Variants in FBXO11 observed in about 807,000 individuals in gnomAD.
FBXO11 encodes F-box protein 11.
Under a neutral mutation model 117.0 loss-of-function variants are expected in FBXO11, and 13 were observed. The ratio of observed to expected loss-of-function variants is 0.11; its 90% confidence interval spans 0.07 to 0.18. FBXO11 has a LOEUF of 0.18. FBXO11 is among the 10% of genes least tolerant of loss of function. The pLI, the probability that FBXO11 is intolerant of heterozygous loss-of-function variation, is 1.00. For missense variants in FBXO11, 767 were observed against 1,164.4 expected (o/e 0.66, Z 4.97); for synonymous variants, 490 against 380.5 (o/e 1.29, Z -3.35).
intron 16 of FBXO11, among the ~76,000 whole-genome samples, chr2:47,815,781 G>A (rs1452202311): frequency 6.6e-6 from 1 of 152,192 alleles, no homozygotes; most frequent in Non-Finnish European, 1.5e-5. Context: ...TAGAAGTTCT[G>A]GAGTCTTCCC....
At chr2:47,834,011 C>A (rs183363969) in intron 7 of FBXO11, among the ~76,000 whole-genome samples, 2 of 152,178 alleles carry the variant, frequency 1.3e-5, no homozygotes, top group Non-Finnish European at 2.9e-5. Context: ...TATTTTTCTT[C>A]GTTTAATGAA....
At chr2:47,811,713 GCACCCATCATATTT>G (rs1280315121) in intron 18 of FBXO11, 1 of 152,144 alleles carries the variant, frequency 6.6e-6, no homozygotes, top group Non-Finnish European at 1.5e-5. Flanking sequence ...AGAATCCTGA[GCACCCATCATATTT>G]CACTTTACTT....
At position 47,834,882 on chromosome 2, in the gene FBXO11, A is replaced by AAAAAC; in HGVS notation, c.718-16_718-12dup. On this transcript the variant is annotated splice_polypyrimidine_tract_variant and intron_variant, in intron 5 of 22. Coordinates refer to ENST00000403359, the MANE Select transcript of FBXO11 (RefSeq NM_001190274.2). The stretch of plus-strand genomic sequence containing the variant: ...ATGTGCACCTTTATACTAAAATGTC[A>AAAAAC]AAAACAAAACAAAACCATTGACTAC... 2 of 1,601,926 alleles carry AAAAAC rather than the reference A, an allele frequency of 1.2e-6. No individual in the cohort carries two copies. Among genetic ancestry groups the AAAAAC allele is most frequent in the South Asian group, 1.1e-5 (1 of 89,862 alleles).
intron 1 of FBXO11, among the ~76,000 whole-genome samples, chr2:47,861,645 A>C (rs1445073449): frequency 6.6e-6 from 1 of 152,248 alleles, no homozygotes; most frequent in East Asian, 1.9e-4. Context: ...TCCATACCCT[A>C]GGATTGGCAG....
At chr2:47,825,809 T>C (rs1671710650) in intron 11 of FBXO11, among the ~76,000 whole-genome samples, 1 of 152,064 alleles carries the variant, frequency 6.6e-6, no homozygotes, top group African/African-American at 2.4e-5. Context: ...ACTTTCAGCC[T>C]CAAGCAATCC....
rs1279429160 is a variant in FBXO11 at position 47,838,789 on chromosome 2, C to T, written c.587+70G>A. 14 of 1,475,602 alleles carry T rather than the reference C, an allele frequency of 9.5e-6. No homozygotes were observed. The African/African-American group carries it at 1.8e-4, about 19-fold the overall frequency. 91.4% of individuals were successfully genotyped at this position (1,475,602 alleles called of 1,614,324 possible). ...ACTACCAACTCACCGCACCGACTTT[C>T]CTACCATGTTTAGCATTTTGGGCAA... On this transcript the variant is annotated intron_variant, in intron 4 of 22. Coordinates refer to ENST00000403359, the MANE Select transcript of FBXO11 (RefSeq NM_001190274.2).
chr2:47,878,667 T>A lies in FBXO11; in HGVS notation c.232+26822A>T, dbSNP rs553479930. 4.3e-3 allele frequency among the ~76,000 whole-genome samples: 654 copies of A among 152,064 alleles called. 1 individual carries two copies. The highest frequency in any genetic ancestry group is 0.017 in the Middle Eastern group (5 of 294). Reference sequence around the variant, plus strand: ...GTGAGCCACTGCGTCCAGCATTTTTTTTTTTTTTTTAAAGGAATGAAAGGT... The same window carrying A: ...GTGAGCCACTGCGTCCAGCATTTTTATTTTTTTTTTAAAGGAATGAAAGGT... On this transcript the variant is annotated intron_variant, in intron 1 of 22. Coordinates refer to ENST00000403359, the MANE Select transcript of FBXO11 (RefSeq NM_001190274.2).
chr2:47,841,227 C>G (rs1490304114), intron 1 of FBXO11, among the ~76,000 whole-genome samples: 5 of 152,044 alleles, frequency 3.3e-5, no homozygotes, highest in Non-Finnish European at 7.4e-5. Context: ...AAAAACAAAA[C>G]TGGTAAATAA....
At chr2:47,856,050 G>A (rs182498811) in intron 1 of FBXO11, among the ~76,000 whole-genome samples, 370 of 152,304 alleles carry the variant, frequency 2.4e-3, no homozygotes, top group Non-Finnish European at 4.8e-3. Flanking sequence ...GTTCGAGGCT[G>A]CAGCGTGCTA....
chr2:47,817,875 T>C (rs1671115006), intron 16 of FBXO11, among the ~76,000 whole-genome samples: 1 of 152,168 alleles, frequency 6.6e-6, no homozygotes, highest in Non-Finnish European at 1.5e-5. Flanking sequence ...AGGGTGGGTG[T>C]GGTGGCTCAC....
intron 1 of FBXO11, among the ~76,000 whole-genome samples, chr2:47,862,322 G>T (rs1205153548): frequency 3.3e-5 from 5 of 152,122 alleles, no homozygotes; most frequent in Non-Finnish European, 5.9e-5. Flanking sequence ...ACATAACCAG[G>T]GTTGAAAGCC....
At chr2:47,901,019 ATG>A (rs1169345537) in intron 1 of FBXO11, among the ~76,000 whole-genome samples, 2 of 136,956 alleles carry the variant, frequency 1.5e-5, no homozygotes, top group South Asian at 2.3e-4. Flanking sequence ...ATATATATTT[ATG>A]TATATATATA....
chr2:47,894,103 T>C (rs758671246), intron 1 of FBXO11, among the ~76,000 whole-genome samples: 24 of 152,304 alleles, frequency 1.6e-4, no homozygotes, highest in Non-Finnish European at 2.9e-4. Flanking sequence ...GGGATACTTG[T>C]ATCATGAGGA....
chr2:47,862,726 T>G (rs901492081), intron 1 of FBXO11, among the ~76,000 whole-genome samples: 43 of 152,106 alleles, frequency 2.8e-4, no homozygotes, highest in Non-Finnish European at 1.9e-4. Flanking sequence ...ATAACAAATC[T>G]AAGAACAATT....
At chr2:47,857,184 T>G (rs755490446) in intron 1 of FBXO11, among the ~76,000 whole-genome samples, 2 of 152,192 alleles carry the variant, frequency 1.3e-5, no homozygotes, top group African/African-American at 4.8e-5. Flanking sequence ...GTGGATTTAC[T>G]AGAGATTATA....
chr2:47,853,679 G>T (rs1026459934), intron 1 of FBXO11, among the ~76,000 whole-genome samples: 2 of 152,072 alleles, frequency 1.3e-5, no homozygotes, highest in Admixed American at 1.3e-4. Flanking sequence ...GATAATCATG[G>T]TGCTTACCTT....
chr2:47,834,682 A>G lies in FBXO11; in HGVS notation c.831T>C (p.Gly277=). 1.2e-6 allele frequency: 2 copies of G among 1,612,494 alleles called. No homozygotes were observed. The highest frequency in any genetic ancestry group is 1.7e-6 in the Non-Finnish European group (2 of 1,179,310). The part of the protein sequence containing the change: ...LYYDTIEDAL[G]GVQEAHFDGL... Reference sequence around the variant, plus strand: ...CATCAAAATGAGCCTCTTGTACCCCACCAAGGGCATCTTCAATAGTATCAT... The same window carrying G: ...CATCAAAATGAGCCTCTTGTACCCCGCCAAGGGCATCTTCAATAGTATCAT... Residue 277 remains glycine (G), a synonymous_variant, in exon 7 of 23, where the codon GGT becomes GGC. Transcript: ENST00000403359.
rs1558422348 is a variant in FBXO11, at chr2:47,831,461, T to TA, written c.1398+887dup. Among the ~76,000 whole-genome samples the TA allele has an allele frequency of 4.6e-5, 5 of 108,538 alleles. No individual in the cohort carries two copies. In the South Asian group the frequency reaches 1.5e-3, roughly 32 times the overall value. The allele number at this position is 108,538 out of a possible 152,430, so 71.2% of individuals were successfully genotyped here. A position where few individuals can be genotyped will look rare whatever the true frequency, so the allele number is the denominator to read the frequency against. On this transcript the variant is annotated intron_variant, in intron 11 of 22. Transcript: ENST00000403359. The stretch of plus-strand genomic sequence containing the variant: ...AAAAAAAAAAAAAGAAAAATGAAAA[T>TA]AAAAAAATTTCTTTGTATAGATGAA...
At chr2:47,829,081 G>A (rs976113362) in intron 11 of FBXO11, among the ~76,000 whole-genome samples, 1 of 151,700 alleles carries the variant, frequency 6.6e-6, no homozygotes, top group Non-Finnish European at 1.5e-5. Context: ...GCCACCACGA[G>A]GCAGTGTTTC....
Sources: allele counts gnomAD v4.1 joint callset (sites outside exome capture counted in the v4.1 genomes callset), GRCh38; gene constraint gnomAD v4.1.1; transcripts MANE v1.5; gene names NCBI Gene and HGNC (gene_info 2026-07-23, HGNC 2026-07-21).